The following SYNE4 variants were observed in gnomAD, a reference collection of about 807,000 sequenced individuals.
SYNE4 encodes spectrin repeat containing nuclear envelope family member 4, also known as nesprin-4.
Under a neutral mutation model 46.9 loss-of-function variants are expected in SYNE4, and 41 were observed. That is an observed-to-expected ratio of 0.87 (90% CI 0.68 to 1.13). SYNE4 has a LOEUF of 1.13. Among genes scored for constraint, SYNE4 ranks in the 50% most tolerant of loss-of-function variants. The pLI is 0.00. For missense variants in SYNE4, 492 were observed against 514.8 expected (o/e 0.96, Z 0.43); for synonymous variants, 221 against 219.5 (o/e 1.01, Z -0.06).
intron 6 of SYNE4, among the ~76,000 whole-genome samples, 186 bp downstream of exon 6, chr19:36,005,147 C>T (rs1187261869): frequency 6.6e-6 from 1 of 152,012 alleles, no homozygotes; most frequent in Non-Finnish European, 1.5e-5. Flanking sequence ...GGATTACAGG[C>T]GTGAGCCACT....
chr19:36,006,789 C>T lies in SYNE4; in HGVS notation c.579G>A (p.Arg193=), dbSNP rs531951502. ...LGAYRDSIFR[R]LWQLQAQLVS... ...CCAGCTGGGCCTGCAGCTGCCAGAG[C>T]CGCCGGAAGATGGAGTCTCGGTAAG... Residue 193 remains arginine, a synonymous_variant, in exon 4 of 8, where the codon CGG becomes CGA. Coordinates refer to ENST00000324444, the MANE Select transcript of SYNE4 (RefSeq NM_001039876.3). 82 of 1,611,826 alleles carry T rather than the reference C, an allele frequency of 5.1e-5. 2 individuals carry two copies. The South Asian group carries it at 6.9e-4, about 14-fold the overall frequency.
intron 6 of SYNE4, among the ~76,000 whole-genome samples, chr19:36,004,682 G>A (rs1278913502): frequency 6.6e-6 from 1 of 152,106 alleles, no homozygotes; most frequent in Non-Finnish European, 1.5e-5. Flanking sequence ...GTAAGTGGGA[G>A]TCAGCCCTGG....
Position 36,003,631 on chromosome 19 carries a change from C to T in SYNE4, c.1013G>A (p.Arg338Lys), listed in dbSNP as rs565733225. Residue 338 changes from arginine (R) to lysine (K), a missense_variant, in exon 7 of 8, where the codon AGG becomes AAG. Coordinates refer to ENST00000324444, the MANE Select transcript of SYNE4 (RefSeq NM_001039876.3). The part of the protein sequence containing the change: ...RQASPHLQDV[R>K]LEGNPGAPDP... ...ACCTCACCCTGGATTCCCCTCCAGC[C>T]TCACATCCTGGAGATGAGGAGATGC... The T allele has an allele frequency of 3.1e-6, 5 of 1,613,446 alleles. No individual in the cohort carries two copies. The African/African-American group carries it at 6.7e-5, about 22-fold the overall frequency.
At chr19:36,005,254 T>A in intron 6 of SYNE4, 79 bp downstream of exon 6, 1 of 1,435,128 alleles carries the variant, frequency 7.0e-7, no homozygotes, top group Non-Finnish European at 9.7e-7. Flanking sequence ...TTCCCTTTCT[T>A]GTGCCTTTTG....
rs749513822 is a variant in SYNE4, at chr19:36,008,656, G to A, written c.26C>T (p.Pro9Leu). 16 of 1,613,542 alleles carry A rather than the reference G, an allele frequency of 9.9e-6. No individual in the cohort carries two copies. In the Admixed American group the frequency reaches 2.7e-4, roughly 27 times the overall value. Reference sequence around the variant, plus strand: ...GTTGAGGGGCTCTGAGCCAAGTCTAGGGCCCAGAGGCAGGGACAGGGCCAT... The same window carrying A: ...GTTGAGGGGCTCTGAGCCAAGTCTAAGGCCCAGAGGCAGGGACAGGGCCAT... MALSLPLG[P>L]RLGSEPLNHP... Residue 9 changes from proline to leucine, a missense_variant, in exon 1 of 8, where the codon CCT becomes CTT. Physicochemically the swap from Pro to Leu is moderately conservative, Grantham distance 98. Transcript: ENST00000324444.
chr19:36,006,548 C>G lies in SYNE4; in HGVS notation c.742G>C (p.Glu248Gln). 1.2e-6 allele frequency: 2 copies of G among 1,607,334 alleles called. No homozygotes were observed. The highest frequency in any genetic ancestry group is 1.7e-4 in the Middle Eastern group (1 of 6,042). Residue 248 changes from glutamate (E) to glutamine (Q), a missense_variant, in exon 5 of 8, where the codon GAG (glutamate) becomes CAG (glutamine). Physicochemically the swap from Glu to Gln is conservative, Grantham distance 29. Transcript: ENST00000324444. Reference protein sequence around the residue: ...PSSLPTSTELEWDPAGDIGGL... With the variant: ...PSSLPTSTELQWDPAGDIGGL... ...CCAATGTCCCCCGCCGGATCCCACTCCAACTCTGTGGAAGTGGGGAGGCTA... is the reference window on the plus strand; with the variant it reads ...CCAATGTCCCCCGCCGGATCCCACTGCAACTCTGTGGAAGTGGGGAGGCTA...
rs1976857407 is a variant in SYNE4 at position 36,006,518 on chromosome 19, G to A, written c.772C>T (p.Leu258Phe). The change falls in exon 5 of 8, where the codon CTT becomes TTT. Residue 258 changes from leucine (L) to phenylalanine (F), a missense_variant. Transcript: ENST00000324444. Reference sequence around the variant, plus strand: ...GCTGTCTTTTGTCCCAAGGGCCCAAGGCCCCCAATGTCCCCCGCCGGATCC... The same window carrying A: ...GCTGTCTTTTGTCCCAAGGGCCCAAAGCCCCCAATGTCCCCCGCCGGATCC... ...EWDPAGDIGGLGPLGQKTART... is the reference protein window; with the variant it reads ...EWDPAGDIGGFGPLGQKTART... The A allele has an allele frequency of 6.2e-7, 1 of 1,609,198 alleles. No homozygotes were observed. Among genetic ancestry groups the A allele is most frequent in the Non-Finnish European group, 8.5e-7 (1 of 1,177,810 alleles).
chr19:36,007,527 A>T, intron 2 of SYNE4: 3 of 985,326 alleles, frequency 3.0e-6, no homozygotes, highest in Non-Finnish European at 1.2e-6. Context: ...GGGTCTGGAC[A>T]GGGAGCGGGG....
intron 1 of SYNE4, 91 bp downstream of exon 1, chr19:36,008,463 C>G: frequency 6.2e-7 from 1 of 1,600,916 alleles, no homozygotes; most frequent in Non-Finnish European, 8.5e-7. Flanking sequence ...TGTCCCCAGG[C>G]GATCACAGCC....
chr19:36,004,129 C>G (rs565718527), intron 6 of SYNE4, among the ~76,000 whole-genome samples: 1 of 152,322 alleles, frequency 6.6e-6, no homozygotes, highest in South Asian at 2.1e-4. Flanking sequence ...TTACCTCAGC[C>G]TCCCTAATAG....
chr19:36,007,002 C>A (rs1474607949), intron 3 of SYNE4, 58 bp from the exon 4 acceptor site: 4 of 1,528,034 alleles, frequency 2.6e-6, no homozygotes, highest in Admixed American at 4.0e-5. Flanking sequence ...CCTGGAGTTA[C>A]CCCCCTCCCC....
rs1450675140 is a variant in SYNE4 at position 36,008,623 on chromosome 19, G to A, written c.59C>T (p.Pro20Leu). 1.4e-5 allele frequency: 23 copies of A among 1,613,944 alleles called. No individual in the cohort carries two copies. Among genetic ancestry groups the A allele is most frequent in the East Asian group, 4.5e-5 (2 of 44,888 alleles). ...AATGTCCGCCTCTCTAGGTGCTCCCGGTGGGTGGTTGAGGGGCTCTGAGCC... is the reference window on the plus strand; with the variant it reads ...AATGTCCGCCTCTCTAGGTGCTCCCAGTGGGTGGTTGAGGGGCTCTGAGCC... ...RLGSEPLNHP[P>L]GAPREADIVG... The change falls in exon 1 of 8, where the codon CCG becomes CTG. Residue 20 changes from proline to leucine, a missense_variant. Pro to Leu is a moderately conservative substitution (Grantham distance 98). Transcript: ENST00000324444.
intron 6 of SYNE4, among the ~76,000 whole-genome samples, chr19:36,004,866 C>CTTT (rs59700541): frequency 0.01 from 901 of 89,988 alleles, no homozygotes; most frequent in African/African-American, 0.011. Flanking sequence ...TTCTTTCTTT[C>CTTT]TTTTTTTTTT....
intron 6 of SYNE4, 118 bp downstream of exon 6, chr19:36,005,215 T>G: frequency 4.6e-6 from 5 of 1,093,912 alleles, no homozygotes; most frequent in Non-Finnish European, 5.3e-6. Flanking sequence ...GCCTGGACCT[T>G]TCCATTACTT....
At chr19:36,006,247 G>A (rs772769272) in intron 5 of SYNE4, 176 bp downstream of exon 5, 16 of 917,154 alleles carry the variant, frequency 1.7e-5, no homozygotes, top group Non-Finnish European at 2.5e-5. Flanking sequence ...TGAGGATGTA[G>A]ACAGAGACAG....
At chr19:36,003,568 G>C (rs1255107492) in intron 7 of SYNE4, 45 bp downstream of exon 7, 1 of 1,606,702 alleles carries the variant, frequency 6.2e-7, no homozygotes. Flanking sequence ...CTGCTGCTAG[G>C]AGCTCTGTCC....
At position 36,006,453 on chromosome 19, in the gene SYNE4, C is replaced by G; in HGVS notation, c.837G>C (p.Arg279Ser). The stretch of plus-strand genomic sequence containing the variant: ...GGCCTTGTCCCCTGCCCTGGGGCCC[C>G]CTCTGGCCACACAGCTCACAGGGCA... ...LGVPCELCGQ[R>S]GPQGRGQGLE... The change falls in exon 5 of 8, where the codon AGG (arginine) becomes AGC (serine). Residue 279 changes from arginine to serine, a missense_variant. Coordinates refer to ENST00000324444, the MANE Select transcript of SYNE4 (RefSeq NM_001039876.3). The G allele has an allele frequency of 6.2e-7, 1 of 1,612,016 alleles. No individual in the cohort carries two copies. The highest frequency in any genetic ancestry group is 8.5e-7 in the Non-Finnish European group (1 of 1,179,240).
chr19:36,007,309 C>G lies in SYNE4; in HGVS notation c.280-41G>C, dbSNP rs1258653019. ...GCCAGGTCAGGGCCAGTGGGCCAAT[C>G]AAGATATCACCCCTGCTCCCATCCC... On this transcript the variant is annotated intron_variant, in intron 2 of 7. Coordinates refer to ENST00000324444, the MANE Select transcript of SYNE4 (RefSeq NM_001039876.3). The G allele has an allele frequency of 2.6e-6, 4 of 1,556,034 alleles. No individual in the cohort carries two copies. The East Asian group carries it at 6.9e-5, about 27-fold the overall frequency.
At position 36,005,566 on chromosome 19, in the gene SYNE4, G is replaced by C. The variant is rs1034585931; in HGVS notation, c.868-129C>G. 11 of 737,848 alleles carry C rather than the reference G, an allele frequency of 1.5e-5. No individual in the cohort carries two copies. In the African/African-American group the frequency reaches 1.8e-4, roughly 12 times the overall value. The allele number at this position is 737,848 out of a possible 1,614,324, so 45.7% of individuals were successfully genotyped here. On this transcript the variant is annotated intron_variant, in intron 5 of 7. Coordinates refer to ENST00000324444, the MANE Select transcript of SYNE4 (RefSeq NM_001039876.3). The stretch of plus-strand genomic sequence containing the variant: ...AAAGGCAGAGCCAAAGAAACCAAGA[G>C]AGGAGAGAATTATTTATTCATTCAT...
Sources: allele counts gnomAD v4.1 joint callset (sites outside exome capture counted in the v4.1 genomes callset), GRCh38; gene constraint gnomAD v4.1.1; transcripts MANE v1.5; gene names NCBI Gene and HGNC (gene_info 2026-07-23, HGNC 2026-07-21).